Variants in SETBP1 observed in about 807,000 individuals in gnomAD.
SETBP1 encodes the protein SET-binding protein.
SETBP1 carries 9 observed loss-of-function variants against 101.0 expected under a neutral mutation model. The ratio of observed to expected loss-of-function variants is 0.09; its 90% CI spans 0.05 to 0.16. The LOEUF is 0.16. SETBP1 is among the 10% of genes least tolerant of loss of function. SETBP1 has a pLI of 1.00. For missense variants in SETBP1, 1,858 were observed against 2,033.8 expected (o/e 0.91, Z 1.66); for synonymous variants, 818 against 788.5 (o/e 1.04, Z -0.63).
intron 3 of SETBP1, among the ~76,000 whole-genome samples, chr18:44,894,636 G>A (rs2069849878): frequency 6.6e-6 from 1 of 151,988 alleles, no homozygotes; most frequent in Non-Finnish European, 1.5e-5. Context: ...ACTGAAAATA[G>A]TAACTCTCCC....
chr18:44,928,528 T>C (rs2144974896), intron 3 of SETBP1, among the ~76,000 whole-genome samples: 1 of 152,344 alleles, frequency 6.6e-6, no homozygotes, highest in Non-Finnish European at 1.5e-5. Context: ...ATGGTTAAAA[T>C]AGTTTACAGT....
intron 4 of SETBP1, among the ~76,000 whole-genome samples, chr18:45,015,024 A>C (rs764767791): frequency 2.0e-5 from 3 of 152,136 alleles, no homozygotes; most frequent in Non-Finnish European, 2.9e-5. Context: ...CTCTGCCTCC[A>C]CATCAGGGGA....
chr18:45,047,645 G>A (rs73431729), intron 5 of SETBP1, among the ~76,000 whole-genome samples: 3,509 of 152,258 alleles, frequency 0.023, 134 homozygotes, highest in African/African-American at 0.079. Flanking sequence ...GGGGGTGGCA[G>A]GGCAAAATCT....
intron 3 of SETBP1, among the ~76,000 whole-genome samples, chr18:44,876,012 G>C (rs999023352): frequency 2.6e-5 from 4 of 152,206 alleles, no homozygotes; most frequent in African/African-American, 7.2e-5. Flanking sequence ...CTTGATCTTT[G>C]ACAAGGGCCA....
chr18:44,858,728 C>T lies in SETBP1; in HGVS notation c.487-10502C>T, dbSNP rs2073022628. 6.6e-5 allele frequency among the ~76,000 whole-genome samples: 10 copies of T among 152,174 alleles called. No homozygotes were observed. The South Asian group carries it at 2.1e-3, about 32-fold the overall frequency. On this transcript the variant is annotated intron_variant, in intron 2 of 5. Transcript: ENST00000649279. ...TCTGTCAGGCACAAGACTGTTCTTG[C>T]CACCTGTGCTCTTTCTAGATCTCAT... is the stretch of plus-strand genomic sequence containing the variant.
At chr18:44,977,834 C>T (rs776133621) in intron 4 of SETBP1, among the ~76,000 whole-genome samples, 1 of 152,126 alleles carries the variant, frequency 6.6e-6, no homozygotes, top group African/African-American at 2.4e-5. Flanking sequence ...TTTCATCTCC[C>T]CCTTATATCT....
At chr18:44,963,899 CAA>C (rs59077847) in intron 4 of SETBP1, among the ~76,000 whole-genome samples, 6 of 41,632 alleles carry the variant, frequency 1.4e-4, no homozygotes, top group African/African-American at 5.7e-4. Flanking sequence ...GACCCCATCT[CAA>C]AAAAAAAAAA....
rs566010588 is a variant in SETBP1 at position 45,007,203 on chromosome 18, T to C, written c.4001-31282T>C. 1.8e-4 allele frequency among the ~76,000 whole-genome samples: 28 copies of C among 152,298 alleles called. No individual in the cohort carries two copies. In the South Asian group the frequency reaches 5.6e-3, roughly 30 times the overall value. ...CACAATATCTCTTCCTGAATCAGTT[T>C]CCAATTCCAGCCACTCCTAGTCAAT... On this transcript the variant is annotated intron_variant, in intron 4 of 5. Transcript: ENST00000649279.
rs146748415 is a variant in SETBP1 at position 45,006,355 on chromosome 18, G to A, written c.4001-32130G>A. ...TTCTTTAATTGTTCCTTGTAGGTTC[G>A]TTCAGAGTCTTTGCAACTGTATCAG... On this transcript the variant is annotated intron_variant, in intron 4 of 5. Coordinates refer to ENST00000649279, the MANE Select transcript of SETBP1 (RefSeq NM_015559.3). Among the ~76,000 whole-genome samples the A allele has an allele frequency of 1.3e-3, 197 of 152,206 alleles. 1 individual carries two copies. Among genetic ancestry groups the A allele is most frequent in the Middle Eastern group, 0.01 (3 of 294 alleles).
At chr18:44,706,455 G>C (rs1289960966) in intron 2 of SETBP1, among the ~76,000 whole-genome samples, 1 of 151,630 alleles carries the variant, frequency 6.6e-6, no homozygotes, top group African/African-American at 2.4e-5. Context: ...GCATGGGGTG[G>C]TGAATGCCTA....
At chr18:44,873,173 G>A (rs1348305481) in intron 3 of SETBP1, among the ~76,000 whole-genome samples, 2 of 152,190 alleles carry the variant, frequency 1.3e-5, no homozygotes, top group African/African-American at 4.8e-5. Flanking sequence ...TCATTCAACA[G>A]GCATCCATGG....
At position 44,893,533 on chromosome 18, in the gene SETBP1, G is replaced by A. The variant is rs140309440; in HGVS notation, c.540+24250G>A. 3.9e-3 allele frequency among the ~76,000 whole-genome samples: 595 copies of A among 152,238 alleles called. 3 individuals are homozygous for A. The highest frequency in any genetic ancestry group is 0.014 in the African/African-American group (575 of 41,538). ...TAGTAGTCAACAGGAATTGAACCTC[G>A]GTCTCCTGGCTGATAGATCAATGTT... On this transcript the variant is annotated intron_variant, in intron 3 of 5. Transcript: ENST00000649279.
At chr18:44,781,970 GTTTGTTAT>G (rs2071140467) in intron 2 of SETBP1, among the ~76,000 whole-genome samples, 1 of 152,178 alleles carries the variant, frequency 6.6e-6, no homozygotes, top group Non-Finnish European at 1.5e-5. Flanking sequence ...AACGTTTTGA[GTTTGTTAT>G]AAAATGTCCT....
intron 2 of SETBP1, among the ~76,000 whole-genome samples, chr18:44,760,271 C>G (rs1418343289): frequency 6.6e-6 from 1 of 152,190 alleles, no homozygotes; most frequent in Non-Finnish European, 1.5e-5. Flanking sequence ...TCAGACATCT[C>G]TCTCTGGATG....
chr18:45,032,503 T>C (rs1305945421), intron 4 of SETBP1, among the ~76,000 whole-genome samples: 1 of 152,184 alleles, frequency 6.6e-6, no homozygotes, highest in Non-Finnish European at 1.5e-5. Context: ...AAAGTGATGA[T>C]GATAAATTTC....
chr18:44,987,175 T>C (rs1344522720), intron 4 of SETBP1: 1 of 152,190 alleles, frequency 6.6e-6, no homozygotes, highest in Non-Finnish European at 1.5e-5. Flanking sequence ...TCAGTTTCAC[T>C]ACAATTTTAT....
chr18:45,000,930 G>T (rs2072605113), intron 4 of SETBP1, among the ~76,000 whole-genome samples: 1 of 152,054 alleles, frequency 6.6e-6, no homozygotes, highest in Admixed American at 6.5e-5. Flanking sequence ...ATGAGGACAG[G>T]ATGTATTGAA....
At chr18:44,708,601 G>A (rs1211135574) in intron 2 of SETBP1, among the ~76,000 whole-genome samples, 1 of 152,206 alleles carries the variant, frequency 6.6e-6, no homozygotes, top group Non-Finnish European at 1.5e-5. Flanking sequence ...CATTGGACAT[G>A]TCAGCTGAAA....
At chr18:44,958,398 G>C (rs780742459) in intron 4 of SETBP1, among the ~76,000 whole-genome samples, 1 of 152,136 alleles carries the variant, frequency 6.6e-6, no homozygotes, top group Non-Finnish European at 1.5e-5. Context: ...AGTCCCACTG[G>C]CTGAAAACAT....
Sources: gnomAD v4.1 joint callset for allele counts (sites outside exome capture counted in the v4.1 genomes callset) on GRCh38, gnomAD v4.1.1 for gene constraint, MANE v1.5 for transcripts, NCBI Gene and HGNC (gene_info 2026-07-23, HGNC 2026-07-21) for gene names.